RAI1: variants seen among roughly 807,000 people sequenced by gnomAD.
The protein encoded by RAI1 is retinoic acid-induced protein 1.
Under a neutral mutation model 123.8 loss-of-function variants are expected in RAI1, and 9 were observed. That is an observed-to-expected ratio of 0.07 (90% confidence interval 0.04 to 0.13). The LOEUF is 0.13. Among genes scored for constraint, RAI1 ranks in the 10% least tolerant of loss-of-function variants. RAI1 has a pLI of 1.00. For missense variants in RAI1, 2,256 were observed against 2,545.8 expected (o/e 0.89, Z 2.45); for synonymous variants, 1,231 against 1,127.3 (o/e 1.09, Z -1.84).
intron 2 of RAI1, among the ~76,000 whole-genome samples, chr17:17,755,091 G>T (rs2030381731): frequency 6.6e-6 from 1 of 152,204 alleles, no homozygotes; most frequent in Non-Finnish European, 1.5e-5. Flanking sequence ...CTGACGTTTG[G>T]ACTGTTTAGA....
chr17:17,745,721 A>G (rs140848320), intron 2 of RAI1, among the ~76,000 whole-genome samples: 213 of 152,236 alleles, frequency 1.4e-3, no homozygotes, highest in African/African-American at 5.0e-3. Flanking sequence ...GCAGGGAGGT[A>G]AGTGAGCTGG....
rs1269960960 is a variant in RAI1 at position 17,797,621 on chromosome 17, A to G, written c.4673A>G (p.Lys1558Arg). The part of the protein sequence containing the change: ...TTSSPCKGRA[K>R]RRRQQQVLPL... ...TCTTCACCCTGTAAGGGGCGTGCCA[A>G]GCGACGACGACAGCAGCAGGTGCTG... Residue 1558 changes from lysine to arginine, a missense_variant, in exon 3 of 6, where the codon AAG becomes AGG. By Grantham distance (26) the Lys-to-Arg change is conservative. Transcript: ENST00000353383. The G allele has an allele frequency of 8.7e-6, 14 of 1,613,960 alleles. No individual in the cohort carries two copies. Among genetic ancestry groups the G allele is most frequent in the African/African-American group, 1.3e-5 (1 of 75,062 alleles).
chr17:17,744,789 C>CA (rs58984430), intron 2 of RAI1, among the ~76,000 whole-genome samples: 2,627 of 41,350 alleles, frequency 0.064, 7 homozygotes, highest in East Asian at 0.11. Flanking sequence ...GACTCCGTCT[C>CA]AAAAAAAAAA....
chr17:17,794,680 A>G lies in RAI1; in HGVS notation c.1732A>G (p.Ser578Gly), dbSNP rs758517565. 6.2e-7 allele frequency: 1 copy of G among 1,612,938 alleles called. No individual in the cohort carries two copies. Among genetic ancestry groups the G allele is most frequent in the South Asian group, 1.1e-5 (1 of 91,090 alleles). ...SDDSFQSLHGSLPLDSFSKFV... is the reference protein window; with the variant it reads ...SDDSFQSLHGGLPLDSFSKFV... ...CGACTCCTTCCAGAGCCTACACGGC[A>G]GTCTGCCGCTCGACAGCTTCTCCAA... The change falls in exon 3 of 6, where the codon AGT becomes GGT. Residue 578 changes from serine to glycine, a missense_variant. Ser to Gly is a moderately conservative substitution (Grantham distance 56, BLOSUM62 0). This residue lies in a region of RAI1 where 357 missense variants were observed against 480.2 expected (regional missense o/e 0.74). Transcript: ENST00000353383.
At chr17:17,752,325 A>G (rs2030215247) in intron 2 of RAI1, among the ~76,000 whole-genome samples, 1 of 152,150 alleles carries the variant, frequency 6.6e-6, no homozygotes, top group Non-Finnish European at 1.5e-5. Flanking sequence ...TGGCCGTCAC[A>G]CTGCGGAGGG....
chr17:17,703,560 A>T (rs1167549638), intron 1 of RAI1, among the ~76,000 whole-genome samples: 2 of 152,124 alleles, frequency 1.3e-5, no homozygotes, highest in African/African-American at 4.8e-5. Context: ...GGAGGGGGCC[A>T]TTGGTGGGCA....
At chr17:17,700,410 G>C (rs1458577674) in intron 1 of RAI1, among the ~76,000 whole-genome samples, 1 of 151,732 alleles carries the variant, frequency 6.6e-6, no homozygotes, top group Admixed American at 6.6e-5. Context: ...CAGCGGCCGC[G>C]CCCCGCCGCC....
Position 17,809,319 on chromosome 17 carries a change from C to A in RAI1, c.5660-71C>A. The A allele has an allele frequency of 7.2e-7, 1 of 1,382,624 alleles. No homozygotes were observed. The highest frequency in any genetic ancestry group is 1.0e-6 in the Non-Finnish European group (1 of 969,658). The allele number at this position is 1,382,624 out of a possible 1,614,324, so 85.6% of individuals were successfully genotyped here. On this transcript the variant is annotated intron_variant, in intron 4 of 5. Transcript: ENST00000353383. The surrounding 1 kb of genome is among the most constrained non-coding windows in gnomAD (Gnocchi z 4.9). The stretch of plus-strand genomic sequence containing the variant: ...GCGGGCAGTGCGGCTCCCCTCCTGG[C>A]TGCAGACAAAACCCCACAGCTGTGG...
At chr17:17,775,320 C>T (rs2031302413) in intron 2 of RAI1, among the ~76,000 whole-genome samples, 1 of 151,490 alleles carries the variant, frequency 6.6e-6, no homozygotes, top group South Asian at 2.1e-4. Context: ...CCTCCCAGCT[C>T]AGCCTCCCAA....
At chr17:17,702,168 G>A (rs1915244206) in intron 1 of RAI1, among the ~76,000 whole-genome samples, 1 of 152,304 alleles carries the variant, frequency 6.6e-6, no homozygotes, top group Middle Eastern at 3.4e-3. Flanking sequence ...CTGACATGAG[G>A]GGAGAGGGAG....
chr17:17,746,778 G>A (rs76489162), intron 2 of RAI1, among the ~76,000 whole-genome samples: 4,518 of 151,914 alleles, frequency 0.03, 305 homozygotes, highest in East Asian at 0.29. Flanking sequence ...TGGGATTACA[G>A]GCATGCACCA....
chr17:17,784,170 C>G (rs936856758), intron 2 of RAI1, among the ~76,000 whole-genome samples: 2 of 152,172 alleles, frequency 1.3e-5, no homozygotes, highest in Non-Finnish European at 2.9e-5. Flanking sequence ...GCGGCTTCCT[C>G]CCCTGGGGAC....
intron 2 of RAI1, among the ~76,000 whole-genome samples, chr17:17,760,550 A>C (rs936211170): frequency 5.9e-5 from 9 of 152,146 alleles, no homozygotes; most frequent in Non-Finnish European, 4.4e-5. Flanking sequence ...CTGACGTCCA[A>C]CGTCCACTCC....
intron 1 of RAI1, among the ~76,000 whole-genome samples, chr17:17,696,320 C>T (rs548382512): frequency 2.6e-5 from 4 of 152,140 alleles, no homozygotes; most frequent in Admixed American, 2.6e-4. Flanking sequence ...TTATTATAGA[C>T]TTTTGGAAAA....
At chr17:17,790,789 C>A (rs534554244) in intron 2 of RAI1, among the ~76,000 whole-genome samples, 2 of 152,292 alleles carry the variant, frequency 1.3e-5, no homozygotes, top group South Asian at 2.1e-4. Context: ...CATAAACATG[C>A]GCCTGGGGAG....
At chr17:17,806,694 A>C (rs1246727790) in intron 4 of RAI1, among the ~76,000 whole-genome samples, 2 of 152,140 alleles carry the variant, frequency 1.3e-5, no homozygotes, top group African/African-American at 4.8e-5. Flanking sequence ...TGCTCCATCA[A>C]TCTCTCATCC....
chr17:17,757,489 G>A (rs78881412), intron 2 of RAI1, among the ~76,000 whole-genome samples: 1,527 of 152,296 alleles, frequency 0.01, 18 homozygotes, highest in South Asian at 0.029. Context: ...ACCTGCCAGT[G>A]TGTGCCTTGC....
chr17:17,810,207 C>A lies in RAI1; in HGVS notation c.*226C>A. 1.6e-6 allele frequency: 1 copy of A among 641,450 alleles called. No individual in the cohort carries two copies. The highest frequency in any genetic ancestry group is 2.6e-6 in the Non-Finnish European group (1 of 387,522). 39.7% of individuals were successfully genotyped at this position (641,450 alleles called of 1,614,324 possible). ...TTCCGGAGCCGCCTGCTCCCGGAAC[C>A]GGACGGCACAGGGCGTTCTTGCCCA... On this transcript the variant is annotated 3_prime_UTR_variant, in exon 6 of 6. Coordinates refer to ENST00000353383, the MANE Select transcript of RAI1 (RefSeq NM_030665.4). This position sits in a 1 kb window ranked among gnomAD's most constrained non-coding sequence, Gnocchi z 4.6.
At chr17:17,725,413 G>A (rs903630095) in intron 2 of RAI1, among the ~76,000 whole-genome samples, 3 of 152,168 alleles carry the variant, frequency 2.0e-5, no homozygotes, top group African/African-American at 7.2e-5. Context: ...GGGCCGGGAG[G>A]AGAGGAGGAT....
Sources: gnomAD v4.1 joint callset for allele counts (sites outside exome capture counted in the v4.1 genomes callset) on GRCh38, gnomAD v4.1.1 for gene constraint, gnomAD v4.1.1 regional missense constraint, Gnocchi (gnomAD v3.1) non-coding constraint, MANE v1.5 for transcripts, NCBI Gene and HGNC (gene_info 2026-07-23, HGNC 2026-07-21) for gene names.